The following DNASE1 variants were observed in gnomAD, a reference collection of about 807,000 sequenced individuals.
The protein encoded by DNASE1 is deoxyribonuclease-1.
DNASE1 carries 40 observed loss-of-function variants against 33.9 expected under a neutral mutation model. The observed-to-expected ratio is 1.18, with a 90% confidence interval of 0.92 to 1.54. The LOEUF is 1.54. Among genes scored for constraint, DNASE1 ranks in the 40% most tolerant of loss-of-function variants. The pLI, the probability that DNASE1 is intolerant of heterozygous loss-of-function variation, is 0.00. For synonymous variants in DNASE1, 216 were observed against 160.0 expected, an observed-to-expected ratio of 1.35 and a Z score of -2.64; for missense variants, 518 against 372.6, an observed-to-expected ratio of 1.39 and a Z score of -3.21.
chr16:3,622,273 C>CTTT (rs1174506966), intron 1 of DNASE1, among the ~76,000 whole-genome samples: 1 of 148,408 alleles, frequency 6.7e-6, no homozygotes, highest in Non-Finnish European at 1.5e-5. Flanking sequence ...CAATGAATGT[C>CTTT]TTTTTACTCA....
At chr16:3,654,397 G>A (rs1404416193), upstream of DNASE1, 1 of 398,618 alleles carries the variant, frequency 2.5e-6, no homozygotes, top group Non-Finnish European at 4.4e-6. Flanking sequence ...TGATGGCGAT[G>A]AATCAGGAAG....
chr16:3,660,664 T>C (rs1375381481), downstream of DNASE1: 1 of 152,054 alleles, frequency 6.6e-6, no homozygotes, highest in Non-Finnish European at 1.5e-5. Flanking sequence ...TCCCCAGGAG[T>C]GCCATGGCTA....
downstream of DNASE1, chr16:3,658,736 A>AGGCT: frequency 6.5e-7 from 1 of 1,531,618 alleles, no homozygotes; most frequent in Non-Finnish European, 9.0e-7. Context: ...CCCTGAAGGC[A>AGGCT]GGCTGGCAGG....
intron 2 of DNASE1, 60 bp from the exon 3 acceptor site, chr16:3,655,789 C>T (rs892902582): frequency 2.3e-5 from 36 of 1,590,284 alleles, no homozygotes; most frequent in African/African-American, 1.5e-4. Flanking sequence ...CCCTTTGTGG[C>T]GCTGTAGGGT....
At chr16:3,631,674 TAC>T (rs2041705889) in intron 1 of DNASE1, among the ~76,000 whole-genome samples, 1 of 151,726 alleles carries the variant, frequency 6.6e-6, no homozygotes, top group South Asian at 2.1e-4. Flanking sequence ...AAGCACGCAC[TAC>T]CATGCCCGGC....
intron 1 of DNASE1, among the ~76,000 whole-genome samples, chr16:3,614,931 A>G (rs1359880461): frequency 6.6e-6 from 1 of 152,164 alleles, no homozygotes; most frequent in East Asian, 1.9e-4. Flanking sequence ...CCTGGTGAAG[A>G]AAGTCTTTGC....
intron 1 of DNASE1, among the ~76,000 whole-genome samples, chr16:3,633,833 G>A (rs576783402): frequency 5.9e-5 from 9 of 151,804 alleles, no homozygotes; most frequent in African/African-American, 1.2e-4. Flanking sequence ...TTTTAAGACC[G>A]AGTCTCGCTC....
At chr16:3,641,964 G>A (rs1306515482), upstream of DNASE1, among the ~76,000 whole-genome samples, 1 of 152,250 alleles carries the variant, frequency 6.6e-6, no homozygotes. Flanking sequence ...ATACAGCACT[G>A]CCTTGGCCTT....
chr16:3,661,944 T>C (rs746007043), downstream of DNASE1: 2 of 1,553,598 alleles, frequency 1.3e-6, no homozygotes, highest in Non-Finnish European at 8.7e-7. Flanking sequence ...CACAGGATTC[T>C]GGGGAATCCC....
At chr16:3,615,171 C>T (rs922503663) in intron 1 of DNASE1, among the ~76,000 whole-genome samples, 1 of 151,990 alleles carries the variant, frequency 6.6e-6, no homozygotes, top group Non-Finnish European at 1.5e-5. Flanking sequence ...CTGATGGTCT[C>T]AAGATTGAGA....
chr16:3,663,577 G>C lies in DNASE1; in HGVS notation c.*5624G>C, dbSNP rs373408183. ...CAGAAGAGAACCTGCAGGTGGCCAAGAGCAGCTCCATCAGACCCCGGGGGC... is the reference window on the plus strand; with the variant it reads ...CAGAAGAGAACCTGCAGGTGGCCAACAGCAGCTCCATCAGACCCCGGGGGC... On this transcript the variant is annotated 3_prime_UTR_variant, in exon 10 of 10. Transcript: ENST00000407479. 15 of 1,613,224 alleles carry C rather than the reference G, an allele frequency of 9.3e-6. No homozygotes were observed. In the Admixed American group the frequency reaches 1.5e-4, roughly 16 times the overall value.
chr16:3,623,712 T>C (rs1270143939), intron 1 of DNASE1, among the ~76,000 whole-genome samples: 1 of 151,794 alleles, frequency 6.6e-6, no homozygotes, highest in Non-Finnish European at 1.5e-5. Context: ...GGCAGGAGGA[T>C]CACTTGAGGC....
At chr16:3,663,523 G>T in exon 10 of DNASE1, 1 of 1,614,156 alleles carries the variant, frequency 6.2e-7, no homozygotes. Flanking sequence ...CGAAGGTGCA[G>T]CAGGGTGAGC....
At chr16:3,658,169 C>A (rs2791), downstream of DNASE1, 2 of 1,613,918 alleles carry the variant, frequency 1.2e-6, no homozygotes, top group Admixed American at 1.7e-5. Flanking sequence ...CTCATTCAAG[C>A]GGCCCACCAT....
chr16:3,634,244 T>C (rs1473699930), intron 1 of DNASE1, among the ~76,000 whole-genome samples: 2 of 151,854 alleles, frequency 1.3e-5, no homozygotes, highest in South Asian at 2.1e-4. Context: ...TTGTTTGTTT[T>C]TTGAGACAGA....
intron 1 of DNASE1, among the ~76,000 whole-genome samples, chr16:3,614,565 T>C (rs1218505829): frequency 6.6e-6 from 1 of 152,154 alleles, no homozygotes; most frequent in Non-Finnish European, 1.5e-5. Flanking sequence ...CGCTTTGCCT[T>C]TGGGTGGTCT....
intron 1 of DNASE1, among the ~76,000 whole-genome samples, chr16:3,622,539 G>A (rs1454334459): frequency 1.3e-5 from 2 of 152,074 alleles, no homozygotes; most frequent in African/African-American, 4.8e-5. Context: ...TGATTTGTAA[G>A]AACTCTATAT....
chr16:3,655,659 T>G, intron 2 of DNASE1, 139 bp downstream of exon 2: 2 of 1,459,202 alleles, frequency 1.4e-6, no homozygotes, highest in Non-Finnish European at 1.9e-6. Flanking sequence ...TGGAACAGGC[T>G]CTTGGCTGTG....
rs1452101461 is a variant in DNASE1 at position 3,657,326 on chromosome 16, A to G, written c.689A>G (p.His230Arg). The change falls in exon 7 of 9, where the codon CAC (histidine) becomes CGC (arginine). Residue 230 changes from histidine (H) to arginine (R), a missense_variant. Physicochemically the swap from His to Arg is conservative, Grantham distance 29. Coordinates refer to ENST00000246949, the MANE Select transcript of DNASE1 (RefSeq NM_005223.4). Reference sequence around the variant, plus strand: ...GCTGACACCACAGCTACACCCACGCACTGTGCCTATGACAGGTGAGCAGGG... The same window carrying G: ...GCTGACACCACAGCTACACCCACGCGCTGTGCCTATGACAGGTGAGCAGGG... The part of the protein sequence containing the change: ...DSADTTATPT[H>R]CAYDRIVVAG... 6.2e-7 allele frequency: 1 copy of G among 1,613,436 alleles called. No individual in the cohort carries two copies. Among genetic ancestry groups the G allele is most frequent in the East Asian group, 2.2e-5 (1 of 44,888 alleles).
Sources: gnomAD v4.1 joint callset for allele counts (sites outside exome capture counted in the v4.1 genomes callset) on GRCh38, gnomAD v4.1.1 for gene constraint, MANE v1.5 for transcripts, NCBI Gene and HGNC (gene_info 2026-07-23, HGNC 2026-07-21) for gene names.